The following RRM2 variants were observed in gnomAD, a reference collection of about 807,000 sequenced individuals.
RRM2 encodes the protein ribonucleoside-diphosphate reductase subunit M2.
RRM2 carries 6 observed loss-of-function variants against 45.9 expected under a neutral mutation model. The observed-to-expected ratio is 0.13, with a 90% confidence interval of 0.07 to 0.26. RRM2 has a LOEUF of 0.26. Ranked by LOEUF, RRM2 falls within the 10% of genes least tolerant of loss-of-function variation. RRM2 has a pLI of 1.00. For synonymous variants in RRM2, 177 were observed against 173.0 expected (o/e 1.02, Z -0.18); for missense variants, 343 against 489.5 (o/e 0.70, Z 2.82).
chr2:10,122,939 A>G, intron 1 of RRM2, 42 bp downstream of exon 1: 1 of 1,548,478 alleles, frequency 6.5e-7, no homozygotes, highest in South Asian at 1.2e-5. Flanking sequence ...GGAGGGAGGC[A>G]GGGAAAGCGA....
intron 3 of RRM2, among the ~76,000 whole-genome samples, chr2:10,152,396 A>G (rs1168179159): frequency 6.6e-6 from 1 of 151,628 alleles, no homozygotes; most frequent in Non-Finnish European, 1.5e-5. Context: ...TGTCTTTTGA[A>G]AAAGTAAAAG....
At chr2:10,142,067 C>A in intron 2 of RRM2, 1 of 1,597,710 alleles carries the variant, frequency 6.3e-7, no homozygotes, top group South Asian at 1.1e-5. Context: ...ATGTGGGGAT[C>A]GACCACGTGG....
At chr2:10,206,846 C>G (rs927248020) in intron 3 of RRM2, among the ~76,000 whole-genome samples, 1 of 152,174 alleles carries the variant, frequency 6.6e-6, no homozygotes, top group African/African-American at 2.4e-5. Context: ...AGACACAGAG[C>G]TGGATACACA....
chr2:10,188,420 C>T (rs1044270270), intron 3 of RRM2, among the ~76,000 whole-genome samples: 14 of 152,202 alleles, frequency 9.2e-5, no homozygotes, highest in Non-Finnish European at 1.0e-4. Flanking sequence ...CTCACATGGA[C>T]TTTCTCTGTC....
intron 3 of RRM2, among the ~76,000 whole-genome samples, chr2:10,154,815 C>G (rs1663392904): frequency 6.6e-6 from 1 of 151,376 alleles, no homozygotes; most frequent in African/African-American, 2.4e-5. Context: ...CCTGCCTCAG[C>G]CTTCCCAAGT....
rs1664634160 is a variant in RRM2 at position 10,204,831 on chromosome 2, CG to C, written n.483-5479del. Among the ~76,000 whole-genome samples, 1 of 152,244 alleles carries C rather than the reference CG, an allele frequency of 6.6e-6. No individual in the cohort carries two copies. ...GGCACTGAACGCCGAGGCCACGGCC[CG>C]TCCTGATGTGGTCAGAGATGTCGTC... On this transcript the variant is annotated intron_variant and non_coding_transcript_variant, in intron 3 of 3. Coordinates refer to the RRM2 transcript ENST00000381786. This position sits in a 1 kb window ranked among gnomAD's most constrained non-coding sequence, Gnocchi z 4.0.
At chr2:10,135,677 T>C (rs1662976665), downstream of RRM2, among the ~76,000 whole-genome samples, 1 of 152,138 alleles carries the variant, frequency 6.6e-6, no homozygotes, top group Admixed American at 6.5e-5. Flanking sequence ...GCTCAAATTC[T>C]AGCTATAAAT....
intron 3 of RRM2, among the ~76,000 whole-genome samples, chr2:10,168,863 C>G (rs1663734786): frequency 6.6e-6 from 1 of 150,394 alleles, no homozygotes; most frequent in South Asian, 2.1e-4. Context: ...TGGACTCCTT[C>G]AGGCAGTGGC....
In RRM2 at chr2:10,195,078, C is replaced by T. The variant is rs1281252046; in HGVS notation, n.483-15233C>T. On this transcript the variant is annotated intron_variant and non_coding_transcript_variant, in intron 3 of 3. Transcript: ENST00000381786. This position sits in a 1 kb window ranked among gnomAD's most constrained non-coding sequence, Gnocchi z 4.9. Reference sequence around the variant, plus strand: ...GTGGCTACGGGTTTAATCTAAAATTCATTCTGATCCCTTGGCCTTGGAAAA... The same window carrying T: ...GTGGCTACGGGTTTAATCTAAAATTTATTCTGATCCCTTGGCCTTGGAAAA... Among the ~76,000 whole-genome samples the T allele has an allele frequency of 6.8e-6, 1 of 146,638 alleles. No homozygotes were observed.
At chr2:10,209,654 A>G (rs1274317291) in intron 3 of RRM2, among the ~76,000 whole-genome samples, 5 of 151,484 alleles carry the variant, frequency 3.3e-5, no homozygotes, top group Non-Finnish European at 5.9e-5. Flanking sequence ...TCGGCTTCCA[A>G]ATCTTCCTAC....
chr2:10,142,419 C>G lies in RRM2; in HGVS notation n.482+44C>G, dbSNP rs149469694. 2.0e-5 allele frequency: 27 copies of G among 1,367,232 alleles called. No individual in the cohort carries two copies. The African/African-American group carries it at 2.9e-4, about 15-fold the overall frequency. The allele number at this position is 1,367,232 out of a possible 1,614,324, so 84.7% of individuals were successfully genotyped here. On this transcript the variant is annotated intron_variant and non_coding_transcript_variant, in intron 3 of 3. Transcript: ENST00000381786. ...TCGCACGGTGGGGGAAGAGGGGCCA[C>G]TGTGGAGGTGGCTTGCGGGGCCTGT...
intron 3 of RRM2, among the ~76,000 whole-genome samples, chr2:10,163,624 G>T (rs904678095): frequency 6.6e-6 from 1 of 152,208 alleles, no homozygotes. Context: ...GAACTATGGG[G>T]TCCACAGCAG....
At chr2:10,177,982 CGCG>C (rs1453680490) in intron 3 of RRM2, among the ~76,000 whole-genome samples, 4 of 150,064 alleles carry the variant, frequency 2.7e-5, no homozygotes, top group Middle Eastern at 3.2e-3. Context: ...AGTGCAGTGG[CGCG>C]ATCTCGGCTC....
At chr2:10,139,984 C>G (rs1339470948), upstream of RRM2, among the ~76,000 whole-genome samples, 1 of 152,138 alleles carries the variant, frequency 6.6e-6, no homozygotes, top group Non-Finnish European at 1.5e-5. Context: ...CGTGGTGTCT[C>G]ATGCCTGTAA....
At chr2:10,137,298 G>A (rs988684032), upstream of RRM2, among the ~76,000 whole-genome samples, 8 of 152,218 alleles carry the variant, frequency 5.3e-5, no homozygotes, top group African/African-American at 1.9e-4. Context: ...CCCTCTTGAT[G>A]GGAGAGCAGG....
In RRM2 at chr2:10,191,786, C is replaced by G. The variant is rs143539355; in HGVS notation, n.483-18525C>G. ...ACTGGGAATAAGTGAGAGGCTCCCG[C>G]TATCTCAGACCTGGCGTGGGAGCTG... On this transcript the variant is annotated intron_variant and non_coding_transcript_variant, in intron 3 of 3. Coordinates refer to the RRM2 transcript ENST00000381786. Among the ~76,000 whole-genome samples the G allele has an allele frequency of 2.1e-3, 319 of 152,284 alleles. 1 individual carries two copies. In the Middle Eastern group the frequency reaches 0.027, roughly 13 times the overall value.
chr2:10,183,272 G>A (rs13390624), intron 3 of RRM2, among the ~76,000 whole-genome samples: 32,008 of 152,198 alleles, frequency 0.21, 3,701 homozygotes, highest in East Asian at 0.51. Context: ...GCCACATCTG[G>A]GCCTAAGGAT....
At position 10,130,624 on chromosome 2, in the gene RRM2, A is replaced by G. The variant is rs1302129685; in HGVS notation, c.*1238A>G. 6.7e-6 allele frequency: 1 copy of G among 148,490 alleles called. No individual in the cohort carries two copies. Among genetic ancestry groups the G allele is most frequent in the Non-Finnish European group, 1.5e-5 (1 of 67,570 alleles). 9.2% of individuals were successfully genotyped at this position (148,490 alleles called of 1,614,324 possible). A position where few individuals can be genotyped will look rare whatever the true frequency, so the allele number is the denominator to read the frequency against. On this transcript the variant is annotated 3_prime_UTR_variant, in exon 10 of 10. Coordinates refer to ENST00000304567, the MANE Select transcript of RRM2 (RefSeq NM_001034.4). The stretch of plus-strand genomic sequence containing the variant: ...CATTCAAATATTAATTTCAGAATGA[A>G]ACATAATTTTTTTTTTTTTTTTTGA...
intron 3 of RRM2, among the ~76,000 whole-genome samples, chr2:10,201,621 G>A (rs910577806): frequency 6.6e-6 from 1 of 152,192 alleles, no homozygotes; most frequent in South Asian, 2.1e-4. Flanking sequence ...ACCAAAACAA[G>A]ACAACAATTG....
Sources: allele counts gnomAD v4.1 joint callset (sites outside exome capture counted in the v4.1 genomes callset), GRCh38; gene constraint gnomAD v4.1.1; non-coding constraint Gnocchi (gnomAD v3.1); transcripts MANE v1.5; gene names NCBI Gene and HGNC (gene_info 2026-07-23, HGNC 2026-07-21).